The following CDKAL1 variants were observed in gnomAD, a reference collection of about 807,000 sequenced individuals.
CDKAL1 encodes threonylcarbamoyladenosine tRNA methylthiotransferase.
A neutral mutation model predicts 68.2 loss-of-function variants in CDKAL1; 32 were observed. The ratio of observed to expected loss-of-function variants is 0.47; its 90% CI spans 0.35 to 0.63. The LOEUF is 0.63. CDKAL1 is among the 30% of genes least tolerant of loss of function. The pLI, the probability that CDKAL1 is intolerant of heterozygous loss-of-function variation, is 0.00. For synonymous variants in CDKAL1, 234 were observed against 244.3 expected (o/e 0.96, Z 0.39); for missense variants, 606 against 696.7 (o/e 0.87, Z 1.47).
chr6:20,806,534 T>C (rs367688447), intron 8 of CDKAL1, among the ~76,000 whole-genome samples: 115 of 152,306 alleles, frequency 7.6e-4, no homozygotes, highest in African/African-American at 2.7e-3. Context: ...TTTTAAGTTC[T>C]TTGAGAAATC....
chr6:21,101,814 C>T (rs1164719307), intron 12 of CDKAL1, among the ~76,000 whole-genome samples: 2 of 152,128 alleles, frequency 1.3e-5, no homozygotes, highest in African/African-American at 4.8e-5. Flanking sequence ...GTGCCAGCAG[C>T]CTGGGAGTCC....
chr6:20,859,620 G>A (rs190787054), intron 9 of CDKAL1, among the ~76,000 whole-genome samples: 120 of 152,266 alleles, frequency 7.9e-4, no homozygotes, highest in Admixed American at 2.9e-3. Flanking sequence ...ACAATTCAAA[G>A]AATATGGGAG....
chr6:21,208,336 A>G (rs1562118704), intron 15 of CDKAL1, among the ~76,000 whole-genome samples: 1 of 152,214 alleles, frequency 6.6e-6, no homozygotes, highest in Non-Finnish European at 1.5e-5. Context: ...TGACCCTTGG[A>G]AAAACACAGT....
At position 20,784,570 on chromosome 6, in the gene CDKAL1, G is replaced by A. The variant is rs537442106; in HGVS notation, c.638+3305G>A. ...CTCCCGAGTAGCTGGGACTATAGGCGTGTGCCACCACACCCAGCTAGCTTT... is the reference window on the plus strand; with the variant it reads ...CTCCCGAGTAGCTGGGACTATAGGCATGTGCCACCACACCCAGCTAGCTTT... On this transcript the variant is annotated intron_variant, in intron 8 of 15. Coordinates refer to ENST00000274695, the MANE Select transcript of CDKAL1 (RefSeq NM_017774.3). Among the ~76,000 whole-genome samples, 523 of 151,406 alleles carry A rather than the reference G, an allele frequency of 3.5e-3. 1 individual carries two copies. The highest frequency in any genetic ancestry group is 0.024 in the Middle Eastern group (7 of 294).
At chr6:20,939,342 G>T (rs983685951) in intron 9 of CDKAL1, among the ~76,000 whole-genome samples, 2 of 152,086 alleles carry the variant, frequency 1.3e-5, no homozygotes, top group African/African-American at 4.8e-5. Context: ...AACCTTTCTA[G>T]GACCTCAGCT....
intron 4 of CDKAL1, among the ~76,000 whole-genome samples, chr6:20,610,104 T>G (rs1203193125): frequency 6.6e-6 from 1 of 152,216 alleles, no homozygotes; most frequent in Non-Finnish European, 1.5e-5. Flanking sequence ...GCAAAGGACA[T>G]GATCTCATTC....
intron 11 of CDKAL1, among the ~76,000 whole-genome samples, chr6:21,036,095 G>C (rs896554130): frequency 1.3e-5 from 2 of 152,162 alleles, no homozygotes; most frequent in African/African-American, 4.8e-5. Flanking sequence ...TTGGAGTGGA[G>C]AGCATGCTTA....
At chr6:20,948,217 C>T (rs564149592) in intron 9 of CDKAL1, among the ~76,000 whole-genome samples, 2 of 151,978 alleles carry the variant, frequency 1.3e-5, no homozygotes, top group East Asian at 3.9e-4. Flanking sequence ...GGGTCTTGCT[C>T]TGTTGCCCAG....
chr6:21,205,987 A>C (rs1484529488), intron 15 of CDKAL1, among the ~76,000 whole-genome samples: 1 of 147,482 alleles, frequency 6.8e-6, no homozygotes, highest in Non-Finnish European at 1.5e-5. Context: ...GGCACCCGCC[A>C]CCGCGCCCGG....
intron 13 of CDKAL1, among the ~76,000 whole-genome samples, chr6:21,122,901 C>A (rs1467231984): frequency 6.6e-6 from 1 of 150,664 alleles, no homozygotes; most frequent in Non-Finnish European, 1.5e-5. Flanking sequence ...CACCTTGGCC[C>A]TTCAAAATAA....
intron 9 of CDKAL1, among the ~76,000 whole-genome samples, chr6:20,903,479 T>C (rs1762099563): frequency 6.6e-6 from 1 of 152,238 alleles, no homozygotes; most frequent in Non-Finnish European, 1.5e-5. Flanking sequence ...TTAGCTTTGC[T>C]GCTTTCACAG....
intron 9 of CDKAL1, among the ~76,000 whole-genome samples, chr6:20,921,523 G>A (rs1224902739): frequency 6.6e-6 from 1 of 152,172 alleles, no homozygotes; most frequent in Non-Finnish European, 1.5e-5. Context: ...TTAAGTTGAT[G>A]TTTCAGAGCA....
rs544124479 is a variant in CDKAL1, at chr6:21,066,024, A to C, written c.1236+796A>C. Among the ~76,000 whole-genome samples, 42 of 151,954 alleles carry C rather than the reference A, an allele frequency of 2.8e-4. No individual in the cohort carries two copies. In the South Asian group the frequency reaches 5.0e-3, roughly 18 times the overall value. ...TTACTTTTGCACTAACCTAAATTTT[A>C]AAAAATTATGCCCTGTCATTAATTT... On this transcript the variant is annotated intron_variant, in intron 12 of 15. Transcript: ENST00000274695.
At chr6:20,637,561 TCAA>T (rs944183624) in intron 4 of CDKAL1, among the ~76,000 whole-genome samples, 22 of 152,138 alleles carry the variant, frequency 1.4e-4, no homozygotes, top group African/African-American at 5.3e-4. Flanking sequence ...AAACTCTGTC[TCAA>T]CAACAACAAA....
chr6:20,555,963 T>G (rs922062912), intron 4 of CDKAL1, among the ~76,000 whole-genome samples: 1 of 152,042 alleles, frequency 6.6e-6, no homozygotes, highest in Non-Finnish European at 1.5e-5. Context: ...TTAGAAGCCT[T>G]TCTCGTTTTT....
At chr6:20,796,965 TGGTTA>T (rs1776134307) in intron 8 of CDKAL1, among the ~76,000 whole-genome samples, 1 of 152,340 alleles carries the variant, frequency 6.6e-6, no homozygotes. Context: ...TCTATATTTA[TGGTTA>T]GGCAAAGAGT....
intron 5 of CDKAL1, among the ~76,000 whole-genome samples, chr6:20,686,629 T>A (rs1177091778): frequency 2.6e-5 from 4 of 152,206 alleles, no homozygotes; most frequent in Non-Finnish European, 4.4e-5. Flanking sequence ...TGCGCTTGAA[T>A]CATTCTGAAA....
rs896417110 is a variant in CDKAL1 at position 20,780,678 on chromosome 6, T to C, written c.518-467T>C. On this transcript the variant is annotated intron_variant, in intron 7 of 15. Coordinates refer to ENST00000274695, the MANE Select transcript of CDKAL1 (RefSeq NM_017774.3). ...TTTTTTCATTTCTTTTTCTTTTTTT[T>C]TTTTTTTTTTTTTGAGATGGAGTCT... Among the ~76,000 whole-genome samples the C allele has an allele frequency of 6.9e-4, 29 of 41,760 alleles. No individual in the cohort carries two copies. The South Asian group carries it at 7.8e-3, about 11-fold the overall frequency. The allele number at this position is 41,760 out of a possible 152,430, so 27.4% of individuals were successfully genotyped here. A position where few individuals can be genotyped will look rare whatever the true frequency, so the allele number is the denominator to read the frequency against.
At chr6:20,952,037 T>C (rs6922914) in intron 9 of CDKAL1, among the ~76,000 whole-genome samples, 1,656 of 148,400 alleles carry the variant, frequency 0.011, 31 homozygotes, top group African/African-American at 0.037. Flanking sequence ...CGGCTCACTG[T>C]AAGCTCCGCC....
Sources: allele counts gnomAD v4.1 joint callset (sites outside exome capture counted in the v4.1 genomes callset), GRCh38; gene constraint gnomAD v4.1.1; transcripts MANE v1.5; gene names NCBI Gene and HGNC (gene_info 2026-07-23, HGNC 2026-07-21).